Variants in MDGA2 observed in about 807,000 individuals in gnomAD.
The protein encoded by MDGA2 is MAM domain containing glycosylphosphatidylinositol anchor 2, also known as MAM domain-containing glycosylphosphatidylinositol anchor protein 2.
Under a neutral mutation model 117.8 loss-of-function variants are expected in MDGA2, and 40 were observed. The observed-to-expected ratio is 0.34, with a 90% CI of 0.26 to 0.44. MDGA2 has a LOEUF of 0.44. MDGA2 is among the 20% of genes least tolerant of loss of function. The pLI is 1.00. For missense variants in MDGA2, 1,123 were observed against 1,250.6 expected (o/e 0.90, Z 1.54); for synonymous variants, 452 against 439.0 (o/e 1.03, Z -0.37).
intron 2 of MDGA2, among the ~76,000 whole-genome samples, chr14:47,272,069 A>AT (rs1018104391): frequency 1.3e-5 from 2 of 152,058 alleles, no homozygotes; most frequent in African/African-American, 2.4e-5. Context: ...AATGCTTAGC[A>AT]TTTTTTTTCT....
chr14:47,388,579 T>A (rs1222023729), intron 1 of MDGA2, among the ~76,000 whole-genome samples: 2 of 152,170 alleles, frequency 1.3e-5, no homozygotes, highest in African/African-American at 2.4e-5. Context: ...CTGACCTTAC[T>A]TGACCAAGTC....
At chr14:47,132,943 C>A (rs987375385) in intron 4 of MDGA2, among the ~76,000 whole-genome samples, 1 of 151,750 alleles carries the variant, frequency 6.6e-6, no homozygotes, top group Non-Finnish European at 1.5e-5. Flanking sequence ...AAAAACACTG[C>A]TGTTCATTTG....
chr14:47,600,979 T>C (rs1374249781), intron 1 of MDGA2, among the ~76,000 whole-genome samples: 1 of 152,228 alleles, frequency 6.6e-6, no homozygotes, highest in Non-Finnish European at 1.5e-5. Flanking sequence ...GTACAAAATA[T>C]CTACTGTTTA....
intron 2 of MDGA2, among the ~76,000 whole-genome samples, chr14:47,249,821 A>G (rs186043813): frequency 4.5e-4 from 69 of 152,340 alleles, no homozygotes; most frequent in African/African-American, 1.6e-3. Context: ...AAAGTTCACA[A>G]GATTCTTCTT....
chr14:46,960,944 A>C, intron 8 of MDGA2, among the ~76,000 whole-genome samples: 1 of 123,686 alleles, frequency 8.1e-6, no homozygotes, highest in African/African-American at 3.9e-5. Context: ...ATGCGTATAT[A>C]TATATACACA....
intron 2 of MDGA2, among the ~76,000 whole-genome samples, chr14:47,287,889 A>AT (rs1888744161): frequency 6.6e-6 from 1 of 152,142 alleles, no homozygotes; most frequent in African/African-American, 2.4e-5. Flanking sequence ...CAAGCATGTG[A>AT]TAACAGAGGC....
At chr14:46,961,767 C>G (rs553616056) in intron 8 of MDGA2, among the ~76,000 whole-genome samples, 1 of 152,004 alleles carries the variant, frequency 6.6e-6, no homozygotes, top group African/African-American at 2.4e-5. Flanking sequence ...CTCAGCCTCC[C>G]GAGTAGCTGG....
intron 1 of MDGA2, among the ~76,000 whole-genome samples, chr14:47,546,974 T>C (rs945089350): frequency 2.6e-5 from 4 of 152,170 alleles, no homozygotes; most frequent in Non-Finnish European, 1.5e-5. Context: ...AGGTTATTTG[T>C]CCTCCATGAT....
rs186220599 is a variant in MDGA2 at position 47,370,205 on chromosome 14, G to T, written c.281-68655C>A. On this transcript the variant is annotated intron_variant, in intron 1 of 16. Coordinates refer to ENST00000399232, the MANE Select transcript of MDGA2 (RefSeq NM_001113498.3). ...ATATTATTATGAGTGATATAATCCA[G>T]TGGTGAAACAAAGACTTTACTCTTA... Among the ~76,000 whole-genome samples the T allele has an allele frequency of 7.3e-4, 111 of 151,614 alleles. 1 individual carries two copies. Among genetic ancestry groups the T allele is most frequent in the Non-Finnish European group, 7.2e-4 (49 of 67,820 alleles).
intron 4 of MDGA2, among the ~76,000 whole-genome samples, chr14:47,139,336 A>G (rs945557912): frequency 6.6e-6 from 1 of 152,090 alleles, no homozygotes; most frequent in African/African-American, 2.4e-5. Context: ...CATTACTTGC[A>G]TGTGCTAATG....
chr14:47,595,420 G>A (rs1435271520), intron 1 of MDGA2, among the ~76,000 whole-genome samples: 1 of 151,476 alleles, frequency 6.6e-6, no homozygotes, highest in African/African-American at 2.4e-5. Flanking sequence ...TGTAATCCCA[G>A]CTACTCGGGA....
intron 1 of MDGA2, among the ~76,000 whole-genome samples, chr14:47,400,160 A>G (rs1892104364): frequency 6.6e-6 from 1 of 152,172 alleles, no homozygotes; most frequent in South Asian, 2.1e-4. Flanking sequence ...CAGCACGCAT[A>G]TTCCTTTACT....
At chr14:47,570,520 AC>A (rs1895999605) in intron 1 of MDGA2, among the ~76,000 whole-genome samples, 1 of 152,268 alleles carries the variant, frequency 6.6e-6, no homozygotes, top group East Asian at 1.9e-4. Context: ...TGTAAGTGAT[AC>A]TTTTTTCTGT....
chr14:47,657,473 TAA>T (rs1468084549), intron 1 of MDGA2, among the ~76,000 whole-genome samples: 74 of 152,188 alleles, frequency 4.9e-4, no homozygotes, highest in Non-Finnish European at 8.4e-4. Context: ...ATGCTGCTGC[TAA>T]ATGTCCAACC....
At chr14:47,625,740 T>C (rs1463900691) in intron 1 of MDGA2, among the ~76,000 whole-genome samples, 1 of 152,228 alleles carries the variant, frequency 6.6e-6, no homozygotes. Flanking sequence ...CTTCAAACTT[T>C]ATTTCTCAGG....
intron 3 of MDGA2, among the ~76,000 whole-genome samples, chr14:47,147,997 GA>G (rs1883013197): frequency 6.6e-6 from 1 of 152,040 alleles, no homozygotes; most frequent in South Asian, 2.1e-4. Flanking sequence ...AATTGAACAA[GA>G]GAATACCGAG....
chr14:47,533,222 T>C (rs768678010), intron 1 of MDGA2, among the ~76,000 whole-genome samples: 35 of 152,208 alleles, frequency 2.3e-4, no homozygotes, highest in Non-Finnish European at 2.9e-4. Flanking sequence ...ATCAGGGTGC[T>C]GGAGGAAGGA....
At chr14:47,217,644 AT>A (rs1230501485) in intron 3 of MDGA2, among the ~76,000 whole-genome samples, 4 of 152,206 alleles carry the variant, frequency 2.6e-5, no homozygotes, top group South Asian at 4.1e-4. Flanking sequence ...GGTAAAAAAA[AT>A]AAACATAAGT....
intron 1 of MDGA2, among the ~76,000 whole-genome samples, chr14:47,566,008 G>A (rs558803590): frequency 2.0e-5 from 3 of 152,348 alleles, no homozygotes; most frequent in African/African-American, 7.2e-5. Flanking sequence ...AGGGCAGGTG[G>A]TGCACTCACA....
Sources: allele counts gnomAD v4.1 joint callset (sites outside exome capture counted in the v4.1 genomes callset), GRCh38; gene constraint gnomAD v4.1.1; transcripts MANE v1.5; gene names NCBI Gene and HGNC (gene_info 2026-07-23, HGNC 2026-07-21).